Variants in EEF1B2 observed in about 807,000 individuals in gnomAD.
EEF1B2 encodes the protein eukaryotic translation elongation factor 1 beta 2.
In EEF1B2, 12 loss-of-function variants were observed where a neutral mutation model predicts 28.3. That is an observed-to-expected ratio of 0.42 (90% CI 0.27 to 0.69). The LOEUF (loss-of-function observed/expected upper bound fraction) is 0.69. Ranked by LOEUF, EEF1B2 falls within the 30% of genes least tolerant of loss-of-function variation. The pLI is 0.22. For synonymous variants in EEF1B2, 83 were observed against 99.9 expected (o/e 0.83, Z 1.01); for missense variants, 234 against 272.6 (o/e 0.86, Z 1.00).
chr2:206,161,605 A>T, intron 3 of EEF1B2, 133 bp downstream of exon 3: 1 of 1,152,756 alleles, frequency 8.7e-7, no homozygotes, highest in Non-Finnish European at 1.2e-6. Flanking sequence ...AGATGGTGAA[A>T]CCCTGTCTGT....
At position 206,162,570 on chromosome 2, in the gene EEF1B2, A is replaced by C. The variant is rs1227524406; in HGVS notation, c.479A>C (p.Glu160Ala). The C allele has an allele frequency of 6.2e-7, 1 of 1,613,252 alleles. No individual in the cohort carries two copies. The highest frequency in any genetic ancestry group is 8.5e-7 in the Non-Finnish European group (1 of 1,180,030). Residue 160 changes from glutamate (E) to alanine (A), a missense_variant, in exon 5 of 6, where the codon GAG (glutamate) becomes GCG (alanine). This residue lies in a region of EEF1B2 where 56 missense variants were observed against 99.3 expected (regional missense o/e 0.56). Transcript: ENST00000392222. ...GAGACAGATATGGCGAAATTAGAGG[A>C]GTGCGTCAGAAGCATTCAAGCAGAC... is the stretch of plus-strand genomic sequence containing the variant. ...DDETDMAKLE[E>A]CVRSIQADGL...
intron 4 of EEF1B2, 124 bp from the exon 5 acceptor site, chr2:206,162,365 A>G (rs1445658440): frequency 7.0e-7 from 1 of 1,424,882 alleles, no homozygotes; most frequent in Non-Finnish European, 9.9e-7. Context: ...CACAAGATGT[A>G]TCTGTAGTTT....
chr2:206,159,658 T>A, upstream of EEF1B2: 1 of 248,600 alleles, frequency 4.0e-6, no homozygotes. Flanking sequence ...CTAGGGCTGG[T>A]TCCCGTCATC....
At chr2:206,162,167 C>A in intron 4 of EEF1B2, 63 bp downstream of exon 4, 1 of 1,517,182 alleles carries the variant, frequency 6.6e-7, no homozygotes, top group Non-Finnish European at 9.1e-7. Flanking sequence ...AAAGCTTGAC[C>A]TTGAAGTAAT....
Position 206,161,158 on chromosome 2 carries a change from A to G in EEF1B2, c.204-188A>G, listed in dbSNP as rs1576014899. 38 of 676,240 alleles carry G rather than the reference A, an allele frequency of 5.6e-5. No individual in the cohort carries two copies. The East Asian group carries it at 8.1e-4, about 14-fold the overall frequency. 41.9% of individuals were successfully genotyped at this position (676,240 alleles called of 1,614,324 possible). ...GTGAGTATTGAAAATAATGTCTCAC[A>G]TGGTACTAATGCTTGTCGGGTGAGG... On this transcript the variant is annotated intron_variant, in intron 2 of 5. Transcript: ENST00000392222.
At chr2:206,160,980 G>A (rs1468323556) in intron 2 of EEF1B2, 1 of 680,178 alleles carries the variant, frequency 1.5e-6, no homozygotes, top group African/African-American at 1.8e-5. Flanking sequence ...TGGGGTGAGA[G>A]GGTGGCTCAT....
In EEF1B2 at chr2:206,160,613, G is replaced by A. The variant is rs376187068; in HGVS notation, c.106G>A (p.Ala36Thr). The change falls in exon 2 of 6, where the codon GCA (alanine) becomes ACA (threonine). Residue 36 changes from alanine to threonine, a missense_variant. Physicochemically the swap from Ala to Thr is moderately conservative, Grantham distance 58. Around this residue, in one of 2 missense-constraint regions of EEF1B2, gnomAD observed 178 missense variants for 173.3 expected, o/e 1.03. Transcript: ENST00000392222. ...GTATGTGCCATCACAAGCAGATGTG[G>A]CAGTATTTGAAGCCGTGTCCAGCCC... ...EGYVPSQADVAVFEAVSSPPP... is the reference protein window; with the variant it reads ...EGYVPSQADVTVFEAVSSPPP... 12 of 1,613,912 alleles carry A rather than the reference G, an allele frequency of 7.4e-6. No individual in the cohort carries two copies. The highest frequency in any genetic ancestry group is 4.5e-5 in the East Asian group (2 of 44,876).
chr2:206,160,135 G>C, intron 1 of EEF1B2, 76 bp downstream of exon 1: 1 of 1,539,812 alleles, frequency 6.5e-7, no homozygotes, highest in Non-Finnish European at 8.8e-7. Context: ...GCAGCGTGTC[G>C]GCTGCCGCGG....
In EEF1B2 at chr2:206,160,194, G is replaced by T. The variant is rs1313161920; in HGVS notation, c.80+135G>T. ...GCCCTTTCGAGAGGGAGGGGAAAGCGCCCCGTTGCCGTCTCCCAAGGCCCT... is the reference window on the plus strand; with the variant it reads ...GCCCTTTCGAGAGGGAGGGGAAAGCTCCCCGTTGCCGTCTCCCAAGGCCCT... On this transcript the variant is annotated intron_variant, in intron 1 of 5. Coordinates refer to ENST00000392222, the MANE Select transcript of EEF1B2 (RefSeq NM_001959.4). 8.5e-6 allele frequency: 10 copies of T among 1,171,130 alleles called. No individual in the cohort carries two copies. In the African/African-American group the frequency reaches 9.5e-5, roughly 11 times the overall value. The allele number at this position is 1,171,130 out of a possible 1,614,324, so 72.5% of individuals were successfully genotyped here.
At chr2:206,159,620 C>T, upstream of EEF1B2, 3 of 229,738 alleles carry the variant, frequency 1.3e-5, no homozygotes, top group Non-Finnish European at 2.6e-5. Flanking sequence ...GCCTCGAGGC[C>T]GGGCGTCTTC....
Position 206,161,334 on chromosome 2 carries a change from A to G in EEF1B2, c.204-12A>G, listed in dbSNP as rs1343066958. 6.2e-7 allele frequency: 1 copy of G among 1,613,490 alleles called. No individual in the cohort carries two copies. The highest frequency in any genetic ancestry group is 1.7e-5 in the Admixed American group (1 of 59,978). On this transcript the variant is annotated splice_polypyrimidine_tract_variant and intron_variant, in intron 2 of 5. Transcript: ENST00000392222. ...CTAGCTCAATAGTGGTTGAATTTAAATGTTTTTCAAGCCTGCCAGGAGTGA... is the reference window on the plus strand; with the variant it reads ...CTAGCTCAATAGTGGTTGAATTTAAGTGTTTTTCAAGCCTGCCAGGAGTGA...
Position 206,159,936 on chromosome 2 carries a change from G to T in EEF1B2, c.-44G>T. The T allele has an allele frequency of 6.3e-7, 1 of 1,595,864 alleles. No homozygotes were observed. The highest frequency in any genetic ancestry group is 8.5e-7 in the Non-Finnish European group (1 of 1,172,994). ...AGCGTGGGGCGCCCACAATTTGCGCGCTCTCTTTCTGCTGCTCCCCAGCTC... is the reference window on the plus strand; with the variant it reads ...AGCGTGGGGCGCCCACAATTTGCGCTCTCTCTTTCTGCTGCTCCCCAGCTC... On this transcript the variant is annotated 5_prime_UTR_variant, in exon 1 of 6. Coordinates refer to ENST00000392222, the MANE Select transcript of EEF1B2 (RefSeq NM_001959.4).
chr2:206,160,494 C>A, intron 1 of EEF1B2, 94 bp from the exon 2 acceptor site: 1 of 1,593,518 alleles, frequency 6.3e-7, no homozygotes, highest in South Asian at 1.1e-5. Context: ...GGGGTTAGTG[C>A]CCACTAATTA....
Position 206,162,862 on chromosome 2 carries a change from GGCT to G in EEF1B2, c.661_663del (p.Ala221del). ...AGGACTATGTGCAGTCCATGGATGT[GGCT>G]GCTTTCAACAAGATCTAAAATCCAT... is the stretch of plus-strand genomic sequence containing the variant. On this transcript the variant is annotated inframe_deletion, in exon 6 of 6. Transcript: ENST00000392222. The G allele has an allele frequency of 6.3e-7, 1 of 1,594,192 alleles. No homozygotes were observed. The highest frequency in any genetic ancestry group is 8.5e-7 in the Non-Finnish European group (1 of 1,178,046).
intron 2 of EEF1B2, 86 bp from the exon 3 acceptor site, chr2:206,161,260 G>A: frequency 6.4e-7 from 1 of 1,567,678 alleles, no homozygotes; most frequent in African/African-American, 1.4e-5. Flanking sequence ...CTAGTGATAA[G>A]TAGTGATTAA....
At chr2:206,160,512 GC>G (rs984758525) in intron 1 of EEF1B2, 75 bp from the exon 2 acceptor site, 12 of 1,607,952 alleles carry the variant, frequency 7.5e-6, no homozygotes, top group Non-Finnish European at 1.0e-5. Context: ...TTAATGTGAT[GC>G]ATACGGTATT....
intron 1 of EEF1B2, 111 bp from the exon 2 acceptor site, chr2:206,160,477 C>A (rs971289048): frequency 3.8e-6 from 6 of 1,562,506 alleles, no homozygotes; most frequent in Non-Finnish European, 5.2e-6. Flanking sequence ...ATTAAAGCAA[C>A]CCTGCTGGGG....
rs762476407 is a variant in EEF1B2 at position 206,161,438 on chromosome 2, A to G, written c.296A>G (p.Asp99Gly). 4 of 1,613,962 alleles carry G rather than the reference A, an allele frequency of 2.5e-6. No homozygotes were observed. In the South Asian group the frequency reaches 3.3e-5, roughly 13 times the overall value. ...GGAGCTACAGATAGTAAAGATGATG[A>G]TGACATTGACCTCTTTGGATCTGAT... The part of the protein sequence containing the change: ...GSGATDSKDD[D>G]DIDLFGSDDE... The change falls in exon 3 of 6, where the codon GAT (aspartate) becomes GGT (glycine). Residue 99 changes from aspartate (D) to glycine (G), a missense_variant. Around this residue, in one of 2 missense-constraint regions of EEF1B2, gnomAD observed 178 missense variants for 173.3 expected, o/e 1.03. Coordinates refer to ENST00000392222, the MANE Select transcript of EEF1B2 (RefSeq NM_001959.4).
In EEF1B2 at chr2:206,160,588, G is replaced by T. The variant is rs1687890575; in HGVS notation, c.81G>T (p.Gly27=). The T allele has an allele frequency of 6.2e-7, 1 of 1,614,006 alleles. No individual in the cohort carries two copies. Among genetic ancestry groups the T allele is most frequent in the South Asian group, 1.1e-5 (1 of 91,078 alleles). The change falls in exon 2 of 6, where the codon GGG becomes GGT. Residue 27 remains glycine (G), a splice_region_variant and synonymous_variant. Transcript: ENST00000392222. ...GTGAATGTTTCTGTGTCCTTGGCAG[G>T]TATGTGCCATCACAAGCAGATGTGG... The part of the protein sequence containing the change: ...DYLADKSYIE[G]YVPSQADVAV...
Sources: gnomAD v4.1 joint callset for allele counts on GRCh38, gnomAD v4.1.1 for gene constraint, gnomAD v4.1.1 regional missense constraint, MANE v1.5 for transcripts, NCBI Gene and HGNC (gene_info 2026-07-23, HGNC 2026-07-21) for gene names.